The following CLYBL variants were observed in gnomAD, a reference collection of about 807,000 sequenced individuals.
CLYBL encodes the protein citramalyl-CoA lyase.
A neutral mutation model predicts 38.9 loss-of-function variants in CLYBL; 31 were observed. The ratio of observed to expected loss-of-function variants is 0.80; its 90% CI spans 0.60 to 1.08. The LOEUF is 1.08. Among genes scored for constraint, CLYBL ranks in the 50% least tolerant of loss-of-function variants. The probability of loss-of-function intolerance (pLI) is 0.00; values close to 1 mark genes in which losing one functional copy is unlikely to be tolerated. For synonymous variants in CLYBL, 171 were observed against 158.6 expected (o/e 1.08, Z -0.59); for missense variants, 434 against 411.6 (o/e 1.05, Z -0.47).
intron 1 of CLYBL, among the ~76,000 whole-genome samples, chr13:99,611,873 C>T (rs1045798723): frequency 3.3e-5 from 5 of 152,212 alleles, no homozygotes; most frequent in African/African-American, 7.2e-5. Context: ...TAAGTTGTCA[C>T]ATTCACGTGC....
intron 1 of CLYBL, among the ~76,000 whole-genome samples, chr13:99,704,412 G>A (rs1447693099): frequency 6.6e-6 from 1 of 152,138 alleles, no homozygotes; most frequent in Non-Finnish European, 1.5e-5. Flanking sequence ...GTCTAGTTCT[G>A]CATTATAAAA....
At chr13:99,784,914 A>G (rs910937392) in intron 2 of CLYBL, among the ~76,000 whole-genome samples, 2 of 152,098 alleles carry the variant, frequency 1.3e-5, no homozygotes, top group African/African-American at 4.8e-5. Context: ...TTCCGAGACA[A>G]GAGTCTTACT....
chr13:99,739,403 C>T (rs1320586565), intron 1 of CLYBL, among the ~76,000 whole-genome samples: 2 of 152,144 alleles, frequency 1.3e-5, no homozygotes, highest in South Asian at 4.1e-4. Flanking sequence ...TGATGGGTCG[C>T]GTTCTGCCTA....
intron 1 of CLYBL, among the ~76,000 whole-genome samples, chr13:99,645,134 T>G (rs530766063): frequency 8.5e-5 from 13 of 152,344 alleles, no homozygotes; most frequent in African/African-American, 3.1e-4. Context: ...ACATTCCCAT[T>G]AACAGTGTAC....
intron 1 of CLYBL, among the ~76,000 whole-genome samples, chr13:99,769,187 C>T (rs189530727): frequency 8.9e-4 from 136 of 152,322 alleles, no homozygotes; most frequent in African/African-American, 2.8e-3. Context: ...AACATGGGCA[C>T]AGCTGCCTAC....
intron 1 of CLYBL, chr13:99,643,108 CT>C (rs200357542): frequency 0.012 from 1,813 of 153,280 alleles, 43 homozygotes; most frequent in African/African-American, 0.041. Flanking sequence ...AACCCAGAAT[CT>C]TTTGACTGTC....
At chr13:99,635,515 T>A (rs2047006526) in intron 1 of CLYBL, among the ~76,000 whole-genome samples, 1 of 152,306 alleles carries the variant, frequency 6.6e-6, no homozygotes, top group South Asian at 2.1e-4. Flanking sequence ...CTCCTGGCTT[T>A]GCGCAGCTTA....
intron 2 of CLYBL, among the ~76,000 whole-genome samples, chr13:99,856,764 G>C (rs2051468636): frequency 6.6e-6 from 1 of 151,718 alleles, no homozygotes; most frequent in Admixed American, 6.6e-5. Context: ...TCAGCCTCCC[G>C]AGTAGCTGGA....
intron 1 of CLYBL, among the ~76,000 whole-genome samples, chr13:99,668,273 T>A (rs867581658): frequency 6.8e-6 from 1 of 146,050 alleles, no homozygotes; most frequent in Non-Finnish European, 1.5e-5. Context: ...GCCCTTGTCT[T>A]AAAAAAAAAA....
intron 1 of CLYBL, among the ~76,000 whole-genome samples, chr13:99,759,606 G>A (rs2049128182): frequency 1.3e-5 from 2 of 152,136 alleles, no homozygotes; most frequent in African/African-American, 4.8e-5. Context: ...CATGCTCTAG[G>A]TAAGGATACC....
At position 99,869,359 on chromosome 13, in the gene CLYBL, A is replaced by G. The variant is rs550173379; in HGVS notation, c.803-1579A>G. 5.3e-5 allele frequency among the ~76,000 whole-genome samples: 8 copies of G among 152,268 alleles called. No individual in the cohort carries two copies. Among genetic ancestry groups the G allele is most frequent in the Admixed American group, 4.6e-4 (7 of 15,292 alleles). ...TAAATTATGAAATTCAGGGCTAACA[A>G]TTAGGAGGAAATGACTACCAGAACT... On this transcript the variant is annotated intron_variant, in intron 6 of 8. Coordinates refer to ENST00000339105, the MANE Select transcript of CLYBL (RefSeq NM_206808.5). This position sits in a 1 kb window ranked among gnomAD's most constrained non-coding sequence, Gnocchi z 4.3.
intron 3 of CLYBL, among the ~76,000 whole-genome samples, chr13:99,859,626 A>G (rs2051549844): frequency 6.6e-6 from 1 of 152,182 alleles, no homozygotes; most frequent in African/African-American, 2.4e-5. Flanking sequence ...TCCTTTTTAA[A>G]TTGCTGACAG....
At chr13:99,895,547 G>A (rs2052564579), downstream of CLYBL, 1 of 152,254 alleles carries the variant, frequency 6.6e-6, no homozygotes, top group Admixed American at 6.5e-5. Context: ...CTTTCCCGCG[G>A]GCGGAGCGGC....
chr13:99,898,667 C>G (rs770715517), downstream of CLYBL, among the ~76,000 whole-genome samples: 1 of 152,174 alleles, frequency 6.6e-6, no homozygotes. Flanking sequence ...TGATCTTTTC[C>G]GAAGCCTTTG....
chr13:99,647,101 C>T (rs1465013273), intron 1 of CLYBL, among the ~76,000 whole-genome samples: 1 of 152,132 alleles, frequency 6.6e-6, no homozygotes, highest in East Asian at 1.9e-4. Context: ...GCCTGAGGAC[C>T]ACTCTGCCCA....
At chr13:99,635,467 G>A (rs58341758) in intron 1 of CLYBL, among the ~76,000 whole-genome samples, 4,249 of 152,136 alleles carry the variant, frequency 0.028, 202 homozygotes, top group African/African-American at 0.096. Flanking sequence ...AGTGAGGTCA[G>A]GTCTGGCCAT....
chr13:99,673,453 T>C (rs1395060959), intron 1 of CLYBL, among the ~76,000 whole-genome samples: 5 of 147,690 alleles, frequency 3.4e-5, no homozygotes, highest in Admixed American at 3.4e-4. Context: ...GCAAAGGAAA[T>C]GAGGGGAGGC....
At chr13:99,716,787 C>CTTTTTTTTTTTT (rs1260332084) in intron 1 of CLYBL, among the ~76,000 whole-genome samples, 6 of 100,916 alleles carry the variant, frequency 5.9e-5, no homozygotes, top group East Asian at 5.9e-4. Context: ...CTTTTCTTTT[C>CTTTTTTTTTTTT]TTTTTTTTTT....
intron 8 of CLYBL, among the ~76,000 whole-genome samples, chr13:99,904,955 T>C (rs1277676345): frequency 6.6e-6 from 1 of 152,132 alleles, no homozygotes; most frequent in Non-Finnish European, 1.5e-5. Context: ...AGACAGCTTT[T>C]CCCACCCTGC....
Sources: allele counts gnomAD v4.1 joint callset (sites outside exome capture counted in the v4.1 genomes callset), GRCh38; gene constraint gnomAD v4.1.1; non-coding constraint Gnocchi (gnomAD v3.1); transcripts MANE v1.5; gene names NCBI Gene and HGNC (gene_info 2026-07-23, HGNC 2026-07-21).